Variants in NKAIN3 observed in about 807,000 individuals in gnomAD.
NKAIN3 encodes the protein sodium/potassium-transporting ATPase subunit beta-1-interacting protein 3.
A neutral mutation model predicts 30.2 loss-of-function variants in NKAIN3; 25 were observed. That is an observed-to-expected ratio of 0.83 (90% CI 0.60 to 1.16). NKAIN3 has a LOEUF of 1.16. Among genes scored for constraint, NKAIN3 ranks in the 50% most tolerant of loss-of-function variants. The probability of loss-of-function intolerance (pLI) is 0.00; values close to 1 mark genes in which losing one functional copy is unlikely to be tolerated. For synonymous variants in NKAIN3, 91 were observed against 89.6 expected (o/e 1.02, Z -0.09); for missense variants, 225 against 254.1 (o/e 0.89, Z 0.78).
chr8:62,533,973 A>C (rs140177793), intron 1 of NKAIN3, among the ~76,000 whole-genome samples: 10 of 152,282 alleles, frequency 6.6e-5, no homozygotes, highest in African/African-American at 2.2e-4. Flanking sequence ...GGACACTGCA[A>C]GTCCCTTTCT....
intron 3 of NKAIN3, among the ~76,000 whole-genome samples, chr8:62,703,688 A>G (rs1161554151): frequency 6.6e-6 from 1 of 152,094 alleles, no homozygotes; most frequent in Non-Finnish European, 1.5e-5. Context: ...TCTCTCATTT[A>G]GTGGCGCACA....
intron 3 of NKAIN3, among the ~76,000 whole-genome samples, chr8:62,591,401 G>C (rs2130110950): frequency 6.6e-6 from 1 of 151,974 alleles, no homozygotes; most frequent in African/African-American, 2.4e-5. Flanking sequence ...AATAATAGTA[G>C]TCAGTGTTTA....
intron 4 of NKAIN3, among the ~76,000 whole-genome samples, chr8:62,897,833 G>A (rs1297463982): frequency 3.9e-5 from 6 of 152,062 alleles, no homozygotes; most frequent in Admixed American, 6.6e-5. Flanking sequence ...CCCTCCATGC[G>A]ATCGATTTGC....
chr8:62,361,331 T>C (rs1378811374), intron 1 of NKAIN3, among the ~76,000 whole-genome samples: 1 of 152,264 alleles, frequency 6.6e-6, no homozygotes, highest in Non-Finnish European at 1.5e-5. Flanking sequence ...AAGTTTATAT[T>C]TGAAGTGCTA....
intron 4 of NKAIN3, among the ~76,000 whole-genome samples, chr8:62,900,062 T>C (rs1372333226): frequency 2.0e-5 from 3 of 151,406 alleles, no homozygotes; most frequent in African/African-American, 4.8e-5. Context: ...ATGGGTACCA[T>C]TCATGAAAAA....
chr8:62,739,273 A>T (rs1404405463), intron 3 of NKAIN3, among the ~76,000 whole-genome samples: 4 of 151,860 alleles, frequency 2.6e-5, no homozygotes, highest in Non-Finnish European at 4.4e-5. Flanking sequence ...TTACGAAAAA[A>T]AAAAATATAT....
At chr8:62,604,559 G>C (rs1453922220) in intron 3 of NKAIN3, among the ~76,000 whole-genome samples, 1 of 152,088 alleles carries the variant, frequency 6.6e-6, no homozygotes, top group Non-Finnish European at 1.5e-5. Context: ...ATAAAAGCAT[G>C]TAACACATAA....
At chr8:62,608,271 G>T (rs1811186885) in intron 3 of NKAIN3, among the ~76,000 whole-genome samples, 3 of 151,954 alleles carry the variant, frequency 2.0e-5, no homozygotes, top group Admixed American at 2.0e-4. Flanking sequence ...AATTGGTTTT[G>T]GTTTCCTGTG....
At position 62,287,514 on chromosome 8, in the gene NKAIN3, G is replaced by C. The variant is rs187110858; in HGVS notation, c.54+38387G>C. 3.1e-3 allele frequency among the ~76,000 whole-genome samples: 479 copies of C among 152,064 alleles called. 4 individuals are homozygous for C. The highest frequency in any genetic ancestry group is 0.011 in the African/African-American group (468 of 41,486). On this transcript the variant is annotated intron_variant, in intron 1 of 6. Coordinates refer to ENST00000623646, the MANE Select transcript of NKAIN3 (RefSeq NM_001304533.3). ...CTTATTTATATAGTCATAGTATATAGGTTTCTATTTCTCAGCTTTTTGGGG... is the reference window on the plus strand; with the variant it reads ...CTTATTTATATAGTCATAGTATATACGTTTCTATTTCTCAGCTTTTTGGGG...
chr8:62,654,748 A>C (rs540469265), intron 3 of NKAIN3, among the ~76,000 whole-genome samples: 29 of 152,206 alleles, frequency 1.9e-4, no homozygotes, highest in African/African-American at 6.0e-4. Context: ...TACCACACAT[A>C]CACACACACA....
intron 1 of NKAIN3, among the ~76,000 whole-genome samples, chr8:62,542,697 T>C (rs1027759631): frequency 8.5e-5 from 13 of 152,152 alleles, no homozygotes; most frequent in Non-Finnish European, 4.4e-5. Context: ...ACGGGATACA[T>C]GTTAAAACAT....
chr8:62,549,337 G>T (rs996268093), intron 1 of NKAIN3, among the ~76,000 whole-genome samples: 1 of 151,868 alleles, frequency 6.6e-6, no homozygotes, highest in African/African-American at 2.4e-5. Flanking sequence ...TTTTTTTGGG[G>T]GATCGGAGGG....
chr8:62,667,359 C>T (rs58920762), intron 3 of NKAIN3, among the ~76,000 whole-genome samples: 1 of 64,206 alleles, frequency 1.6e-5, no homozygotes, highest in African/African-American at 4.9e-5. Flanking sequence ...ATATATATAT[C>T]TGTATATATA....
chr8:62,997,315 T>C (rs1327008017), intron 5 of NKAIN3, among the ~76,000 whole-genome samples: 1 of 152,096 alleles, frequency 6.6e-6, no homozygotes, highest in Non-Finnish European at 1.5e-5. Context: ...TGGGAGTGTA[T>C]TTGGATTAAC....
chr8:62,663,915 A>C (rs1224811508), intron 3 of NKAIN3, among the ~76,000 whole-genome samples: 2 of 152,166 alleles, frequency 1.3e-5, no homozygotes, highest in Non-Finnish European at 2.9e-5. Flanking sequence ...AGTTATATGG[A>C]GCTTCCTGCA....
In NKAIN3 at chr8:62,972,695, C is replaced by G. The variant is rs1823859688; in HGVS notation, c.*7288C>G. The stretch of plus-strand genomic sequence containing the variant: ...TTTACATTCTTTTTTCATATATATA[C>G]TTTAAGTTCTGGGATACATGTGCAG... On this transcript the variant is annotated 3_prime_UTR_variant, in exon 7 of 7. Coordinates refer to ENST00000623646, the MANE Select transcript of NKAIN3 (RefSeq NM_001304533.3). Among the ~76,000 whole-genome samples, 1 of 152,048 alleles carries G rather than the reference C, an allele frequency of 6.6e-6. No homozygotes were observed. Among genetic ancestry groups the G allele is most frequent in the Non-Finnish European group, 1.5e-5 (1 of 68,008 alleles).
Position 62,980,094 on chromosome 8 carries a change from C to T in NKAIN3, c.*14687C>T, listed in dbSNP as rs985864690. 2.0e-5 allele frequency: 3 copies of T among 152,232 alleles called. No individual in the cohort carries two copies. The highest frequency in any genetic ancestry group is 4.4e-5 in the Non-Finnish European group (3 of 68,046). 9.4% of individuals were successfully genotyped at this position (152,232 alleles called of 1,614,324 possible). On this transcript the variant is annotated 3_prime_UTR_variant, in exon 7 of 7. Coordinates refer to ENST00000623646, the MANE Select transcript of NKAIN3 (RefSeq NM_001304533.3). ...CAGAACAGCTCAGTCCTGGCTGCCA[C>T]CTTCTTTCTTTACTCTTGGTTTAAA...
chr8:62,840,455 G>C (rs1293110889), intron 4 of NKAIN3, among the ~76,000 whole-genome samples: 2 of 149,018 alleles, frequency 1.3e-5, no homozygotes, highest in African/African-American at 2.5e-5. Flanking sequence ...GAGAGAAATT[G>C]AGTTTCCCTT....
At chr8:62,407,595 T>C (rs1376038303) in intron 1 of NKAIN3, among the ~76,000 whole-genome samples, 10 of 152,090 alleles carry the variant, frequency 6.6e-5, no homozygotes, top group Non-Finnish European at 1.0e-4. Context: ...TTTGTAATTT[T>C]GTAAATTTTG....
Sources: allele counts gnomAD v4.1 joint callset (sites outside exome capture counted in the v4.1 genomes callset), GRCh38; gene constraint gnomAD v4.1.1; transcripts MANE v1.5; gene names NCBI Gene and HGNC (gene_info 2026-07-23, HGNC 2026-07-21).